TNFSF8: variants seen among roughly 807,000 people sequenced by gnomAD.
The protein encoded by TNFSF8 is tumor necrosis factor ligand superfamily member 8.
In TNFSF8, 4 loss-of-function variants were observed where a neutral mutation model predicts 22.0. The observed-to-expected ratio is 0.18, with a 90% confidence interval of 0.09 to 0.42. TNFSF8 has a LOEUF of 0.42. Among genes scored for constraint, TNFSF8 ranks in the 10% least tolerant of loss-of-function variants. TNFSF8 has a pLI of 1.00. For synonymous variants in TNFSF8, 106 were observed against 112.5 expected (o/e 0.94, Z 0.37); for missense variants, 233 against 281.8 (o/e 0.83, Z 1.24).
chr9:114,927,890 CCTGTTTTCAAGT>C (rs770744344), intron 1 of TNFSF8, among the ~76,000 whole-genome samples: 67 of 152,126 alleles, frequency 4.4e-4, no homozygotes, highest in Non-Finnish European at 8.1e-4. Flanking sequence ...CTGAGTTCTT[CCTGTTTTCAAGT>C]CAGTCTACAT....
intron 1 of TNFSF8, among the ~76,000 whole-genome samples, chr9:114,924,889 C>T (rs1202844354): frequency 2.0e-5 from 3 of 152,196 alleles, no homozygotes; most frequent in Non-Finnish European, 4.4e-5. Context: ...CCCCACATAA[C>T]CTCACACAGG....
Position 114,904,234 on chromosome 9 carries a change from T to C in TNFSF8, c.402A>G (p.Gln134=), listed in dbSNP as rs539946146. The C allele has an allele frequency of 1.9e-6, 3 of 1,614,124 alleles. No individual in the cohort carries two copies. Among genetic ancestry groups the C allele is most frequent in the East Asian group, 4.5e-5 (2 of 44,888 alleles). Reference sequence around the variant, plus strand: ...AAATGATGAAGTACAAACCAGGGAATTGGATCACCAGATTCCCATCCTGAT... The same window carrying C: ...AAATGATGAAGTACAAACCAGGGAACTGGATCACCAGATTCCCATCCTGAT... ...VRYQDGNLVI[Q]FPGLYFIICQ... is the part of the protein sequence containing the mutation. Residue 134 remains glutamine, a synonymous_variant, in exon 4 of 4, where the codon CAA becomes CAG. Coordinates refer to ENST00000223795, the MANE Select transcript of TNFSF8 (RefSeq NM_001244.4).
intron 1 of TNFSF8, among the ~76,000 whole-genome samples, chr9:114,928,368 C>G (rs1295108630): frequency 6.6e-6 from 1 of 152,236 alleles, no homozygotes; most frequent in African/African-American, 2.4e-5. Context: ...CCTGTTCCCT[C>G]TCTGCTCCTC....
At position 114,904,222 on chromosome 9, in the gene TNFSF8, C is replaced by G. The variant is rs779615079; in HGVS notation, c.414G>C (p.Leu138Phe). The G allele has an allele frequency of 6.8e-6, 11 of 1,614,038 alleles. No individual in the cohort carries two copies. The highest frequency in any genetic ancestry group is 3.3e-5 in the Admixed American group (2 of 59,998). ...ACTGCAGTTGGCAAATGATGAAGTA[C>G]AAACCAGGGAATTGGATCACCAGAT... ...DGNLVIQFPG[L>F]YFIICQLQFL... The change falls in exon 4 of 4, where the codon TTG becomes TTC. Residue 138 changes from leucine (L) to phenylalanine (F), a missense_variant. Physicochemically the swap from Leu to Phe is conservative, Grantham distance 22. Transcript: ENST00000223795.
intron 2 of TNFSF8, among the ~76,000 whole-genome samples, chr9:114,912,213 T>C (rs542845561): frequency 3.9e-5 from 6 of 152,198 alleles, no homozygotes; most frequent in Non-Finnish European, 8.8e-5. Flanking sequence ...GTAGAGAGGA[T>C]TAAATGAGAT....
chr9:114,899,342 A>ATTTTTTTTTTTTTTTTTTTTTTTTTT (rs137946179), downstream of TNFSF8, among the ~76,000 whole-genome samples: 1 of 142,632 alleles, frequency 7.0e-6, no homozygotes. Context: ...ACAGTAAGTT[A>ATTTTTTTTTTTTTTTTTTTTTTTTTT]TTATTTTTTT....
chr9:114,920,141 GAGACAAC>G (rs1333836937), intron 1 of TNFSF8, among the ~76,000 whole-genome samples: 1 of 152,192 alleles, frequency 6.6e-6, no homozygotes, highest in Non-Finnish European at 1.5e-5. Flanking sequence ...TTGCCCTTGT[GAGACAAC>G]ACACAACATT....
chr9:114,903,938 G>C lies in TNFSF8; in HGVS notation c.698C>G (p.Ser233Ter), dbSNP rs897801435. 1 of 1,610,092 alleles carries C rather than the reference G, an allele frequency of 6.2e-7. No homozygotes were observed. The highest frequency in any genetic ancestry group is 1.3e-5 in the African/African-American group (1 of 74,814). The change falls in exon 4 of 4, where the codon TCA becomes TGA. Residue 233 changes from serine to a stop codon, truncating the protein, a stop_gained. Transcript: ENST00000223795. LOFTEE classifies it high-confidence loss of function. ...AAGGCCAAGAGAAACTGTTCAGTCT[G>C]AATTACTGTATAAGAAGATGGACAA... ...NVLSIFLYSN[S>*]D
chr9:114,893,686 G>A (rs1024475916), exon 5 of TNFSF8: 12 of 175,322 alleles, frequency 6.8e-5, no homozygotes, highest in Non-Finnish European at 1.2e-4. Flanking sequence ...ATTGGAAAAG[G>A]TACCAATAAT....
chr9:114,906,761 C>CT lies in TNFSF8; in HGVS notation c.239-863dup, dbSNP rs112770301. ...ATATTCACTAGTGATGGTGGCTTAGCTTTTTTTTATTACAGTAACTACTTA... is the reference window on the plus strand; with the variant it reads ...ATATTCACTAGTGATGGTGGCTTAGCTTTTTTTTTATTACAGTAACTACTTA... On this transcript the variant is annotated intron_variant, in intron 2 of 3. Coordinates refer to ENST00000223795, the MANE Select transcript of TNFSF8 (RefSeq NM_001244.4). Among the ~76,000 whole-genome samples, 831 of 152,038 alleles carry CT rather than the reference C, an allele frequency of 5.5e-3. 13 individuals are homozygous for CT. The highest frequency in any genetic ancestry group is 0.018 in the African/African-American group (767 of 41,478).
chr9:114,909,614 C>T (rs968083741), intron 2 of TNFSF8, among the ~76,000 whole-genome samples: 1 of 152,204 alleles, frequency 6.6e-6, no homozygotes. Context: ...GCCTACCTAG[C>T]TTATTTCAGC....
chr9:114,898,346 G>A (rs964297394), downstream of TNFSF8, among the ~76,000 whole-genome samples: 4 of 152,188 alleles, frequency 2.6e-5, no homozygotes, highest in African/African-American at 9.7e-5. Context: ...TTAAATAAGT[G>A]AGTGCAGGAA....
chr9:114,906,253 A>C (rs1452111328), intron 2 of TNFSF8, among the ~76,000 whole-genome samples: 1 of 152,156 alleles, frequency 6.6e-6, no homozygotes, highest in African/African-American at 2.4e-5. Flanking sequence ...GGTATTATTA[A>C]GCCCCTTTTA....
At chr9:114,916,944 A>G (rs919108548) in intron 2 of TNFSF8, among the ~76,000 whole-genome samples, 1 of 152,250 alleles carries the variant, frequency 6.6e-6, no homozygotes, top group African/African-American at 2.4e-5. Context: ...CTGAGGTCAC[A>G]TGCTAAGTAA....
rs570192275 is a variant in TNFSF8, at chr9:114,902,505, C to T, written c.*1426G>A. On this transcript the variant is annotated 3_prime_UTR_variant, in exon 4 of 4. Transcript: ENST00000223795. ...AGGCCTCGTCAGATGGTTTCCCAAA[C>T]ACCCAGATGGTCTCTTAGATTCTGG... 2.0e-6 allele frequency: 2 copies of T among 985,446 alleles called. No individual in the cohort carries two copies. Among genetic ancestry groups the T allele is most frequent in the Admixed American group, 6.1e-5 (1 of 16,274 alleles). 61.0% of individuals were successfully genotyped at this position (985,446 alleles called of 1,614,324 possible). A position where few individuals can be genotyped will look rare whatever the true frequency, so the allele number is the denominator to read the frequency against.
intron 1 of TNFSF8, among the ~76,000 whole-genome samples, chr9:114,927,017 AT>A (rs1828071120): frequency 7.4e-6 from 1 of 136,024 alleles, no homozygotes; most frequent in African/African-American, 3.0e-5. Context: ...TTTATAATAT[AT>A]TTATAACATA....
At chr9:114,899,460 C>T (rs115613636), downstream of TNFSF8, among the ~76,000 whole-genome samples, 967 of 151,244 alleles carry the variant, frequency 6.4e-3, 9 homozygotes, top group African/African-American at 0.022. Context: ...AATCTTCCAT[C>T]GCAGAGTTTC....
rs764246527 is a variant in TNFSF8 at position 114,930,294 on chromosome 9, C to G, written c.10G>C (p.Gly4Arg). 6.3e-7 allele frequency: 1 copy of G among 1,575,392 alleles called. No individual in the cohort carries two copies. The highest frequency in any genetic ancestry group is 1.2e-5 in the South Asian group (1 of 86,766). The change falls in exon 1 of 4, where the codon GGG becomes CGG. Residue 4 changes from glycine (G) to arginine (R), a missense_variant. Transcript: ENST00000223795. ...ATTCCGTTGAGTGCTTGCTGCAGCC[C>G]TGGGTCCATTCTTTATATAGTCTTC... is the stretch of plus-strand genomic sequence containing the variant. MDP[G>R]LQQALNGMAP...
At chr9:114,907,904 G>A (rs1359049607) in intron 2 of TNFSF8, among the ~76,000 whole-genome samples, 1 of 152,146 alleles carries the variant, frequency 6.6e-6, no homozygotes, top group Non-Finnish European at 1.5e-5. Flanking sequence ...AGGTAGTCAG[G>A]GGTGGAGTAG....
Sources: gnomAD v4.1 joint callset for allele counts (sites outside exome capture counted in the v4.1 genomes callset) on GRCh38, gnomAD v4.1.1 for gene constraint, MANE v1.5 for transcripts, NCBI Gene and HGNC (gene_info 2026-07-23, HGNC 2026-07-21) for gene names.